ANXA1: variants seen among roughly 807,000 people sequenced by gnomAD.
The protein encoded by ANXA1 is annexin I (lipocortin I).
A neutral mutation model predicts 47.9 loss-of-function variants in ANXA1; 39 were observed. The ratio of observed to expected loss-of-function variants is 0.81; its 90% CI spans 0.63 to 1.06. The LOEUF (loss-of-function observed/expected upper bound fraction) is 1.06. ANXA1 is among the 50% of genes least tolerant of loss of function. ANXA1 has a pLI of 0.00. For synonymous variants in ANXA1, 146 were observed against 142.5 expected, an observed-to-expected ratio of 1.02 and a Z score of -0.17; for missense variants, 446 against 422.7, an observed-to-expected ratio of 1.06 and a Z score of -0.48.
chr9:73,159,360 A>C lies in ANXA1; in HGVS notation c.207A>C (p.Leu69=), dbSNP rs760952664. The change falls in exon 4 of 13, where the codon CTA becomes CTC. Residue 69 remains leucine (L), a synonymous_variant. Transcript: ENST00000257497. The part of the protein sequence containing the change: ...GVDEATIIDI[L]TKRNNAQRQQ... ...ATGAAGCAACCATCATTGACATTCT[A>C]ACTAAGCGAAACAATGCACAGCGTC... 1 of 1,613,254 alleles carries C rather than the reference A, an allele frequency of 6.2e-7. No homozygotes were observed. Among genetic ancestry groups the C allele is most frequent in the Admixed American group, 1.7e-5 (1 of 59,952 alleles).
chr9:73,166,214 A>T, intron 10 of ANXA1, 22 bp downstream of exon 10: 1 of 1,536,668 alleles, frequency 6.5e-7, no homozygotes, highest in Non-Finnish European at 8.9e-7. Context: ...AGCAGTTGAA[A>T]GAGTTTTCTA....
chr9:73,165,890 A>G (rs1265397421), intron 9 of ANXA1, among the ~76,000 whole-genome samples: 1 of 152,128 alleles, frequency 6.6e-6, no homozygotes, highest in Admixed American at 6.6e-5. Flanking sequence ...TCGCCAAAAT[A>G]TATAGGAATA....
intron 1 of ANXA1, chr9:73,154,245 T>A (rs1824012990): frequency 1.6e-6 from 2 of 1,254,366 alleles, no homozygotes; most frequent in Non-Finnish European, 1.1e-6. Context: ...GGAAAAACTA[T>A]GCACAAGGCC....
intron 1 of ANXA1, among the ~76,000 whole-genome samples, chr9:73,152,809 A>G (rs544918413): frequency 4.1e-4 from 63 of 152,368 alleles, no homozygotes; most frequent in Non-Finnish European, 7.5e-4. Context: ...GTGAGATTAC[A>G]AATCATGTAT....
At position 73,169,034 on chromosome 9, in the gene ANXA1, T is replaced by A. The variant is rs1436158896; in HGVS notation, c.864T>A (p.Gly288=). The A allele has an allele frequency of 6.2e-7, 1 of 1,609,308 alleles. No homozygotes were observed. ...FAEKLHQAMK[G]VGTRHKALIR... ...TTACCCTCATTTATTTTGGCCAGGG[T>A]GTTGGAACTCGCCATAAGGCATTGA... is the stretch of plus-strand genomic sequence containing the variant. Residue 288 remains glycine, a splice_region_variant and synonymous_variant, in exon 12 of 13, where the codon GGT becomes GGA. Coordinates refer to ENST00000257497, the MANE Select transcript of ANXA1 (RefSeq NM_000700.3).
chr9:73,155,900 C>T (rs2118135038), intron 1 of ANXA1, among the ~76,000 whole-genome samples: 1 of 151,210 alleles, frequency 6.6e-6, no homozygotes, highest in South Asian at 2.1e-4. Context: ...AATTAATATA[C>T]CTTTTCCTGG....
At chr9:73,153,884 A>G (rs1355681909) in intron 1 of ANXA1, among the ~76,000 whole-genome samples, 1 of 152,162 alleles carries the variant, frequency 6.6e-6, no homozygotes. Flanking sequence ...ATGGAAAGTG[A>G]TAATACAGAA....
chr9:73,164,118 A>AAAAC (rs1018249874), intron 8 of ANXA1, among the ~76,000 whole-genome samples: 5 of 152,148 alleles, frequency 3.3e-5, no homozygotes, highest in African/African-American at 7.2e-5. Flanking sequence ...ATTTCCATTT[A>AAAAC]AAACAAACAA....
intron 5 of ANXA1, among the ~76,000 whole-genome samples, chr9:73,160,599 G>A (rs1022807917): frequency 3.3e-5 from 5 of 152,048 alleles, no homozygotes; most frequent in African/African-American, 1.2e-4. Flanking sequence ...TCATATATTT[G>A]CATTTTTATT....
At chr9:73,154,597 C>T (rs965921934) in intron 1 of ANXA1, among the ~76,000 whole-genome samples, 13 of 152,130 alleles carry the variant, frequency 8.5e-5, no homozygotes, top group Admixed American at 3.9e-4. Context: ...CACCACCATG[C>T]CTGGCTGATT....
chr9:73,166,346 G>C (rs943798111), intron 10 of ANXA1, among the ~76,000 whole-genome samples, 154 bp downstream of exon 10: 2 of 152,112 alleles, frequency 1.3e-5, no homozygotes, highest in African/African-American at 4.8e-5. Context: ...CAACGTAAAA[G>C]ATTGGCAAAG....
chr9:73,160,511 C>A, intron 5 of ANXA1, 135 bp downstream of exon 5: 2 of 595,412 alleles, frequency 3.4e-6, no homozygotes, highest in East Asian at 3.0e-5. Context: ...TAAATTAATA[C>A]CTCAATGAAG....
intron 9 of ANXA1, among the ~76,000 whole-genome samples, chr9:73,165,749 A>G (rs1465089348): frequency 6.6e-6 from 1 of 152,046 alleles, no homozygotes; most frequent in Non-Finnish European, 1.5e-5. Flanking sequence ...TGTTAAATGT[A>G]AGAGAAATTT....
chr9:73,152,292 T>A (rs536948148), intron 1 of ANXA1, among the ~76,000 whole-genome samples: 22 of 152,240 alleles, frequency 1.4e-4, no homozygotes, highest in African/African-American at 4.8e-4. Flanking sequence ...GAGCTGTGTG[T>A]TTTACAGAGA....
At chr9:73,164,899 T>C (rs1824201170) in intron 8 of ANXA1, among the ~76,000 whole-genome samples, 1 of 152,120 alleles carries the variant, frequency 6.6e-6, no homozygotes, top group Non-Finnish European at 1.5e-5. Context: ...ATATTCAGAC[T>C]CTAGTGTTTA....
intron 6 of ANXA1, among the ~76,000 whole-genome samples, chr9:73,161,441 A>C (rs1234255679): frequency 3.3e-5 from 5 of 152,152 alleles, no homozygotes; most frequent in African/African-American, 1.2e-4. Flanking sequence ...ATAAAAGACT[A>C]GTCTTAGCTT....
intron 1 of ANXA1, among the ~76,000 whole-genome samples, chr9:73,155,387 G>T (rs1367645353): frequency 6.6e-6 from 1 of 152,088 alleles, no homozygotes; most frequent in Admixed American, 6.6e-5. Context: ...ATAGAAAAAA[G>T]AAAACCTTTC....
At position 73,158,733 on chromosome 9, in the gene ANXA1, G is replaced by T. The variant is rs35304764; in HGVS notation, c.105G>T (p.Ala35=). The T allele has an allele frequency of 8.4e-4, 1,351 of 1,613,784 alleles. 3 individuals carry two copies. Among genetic ancestry groups the T allele is most frequent in the South Asian group, 4.2e-3 (382 of 91,078 alleles). The change falls in exon 3 of 13, where the codon GCG becomes GCT. Residue 35 remains alanine, a synonymous_variant. Coordinates refer to ENST00000257497, the MANE Select transcript of ANXA1 (RefSeq NM_000700.3). Reference sequence around the variant, plus strand: ...CATCCAAAGGTGGTCCCGGATCAGCGGTGAGCCCCTATCCTACCTTCAATC... The same window carrying T: ...CATCCAAAGGTGGTCCCGGATCAGCTGTGAGCCCCTATCCTACCTTCAATC... ...VKSSKGGPGS[A]VSPYPTFNPS...
chr9:73,159,431 A>T lies in ANXA1; in HGVS notation c.270+8A>T. The T allele has an allele frequency of 1.2e-6, 2 of 1,608,070 alleles. No individual in the cohort carries two copies. Among genetic ancestry groups the T allele is most frequent in the Non-Finnish European group, 1.7e-6 (2 of 1,175,032 alleles). ...CTCCAGGAAACAGGAAAGGTAAGTT[A>T]GAGTGGTAAATTTAGATATTTAATT... On this transcript the variant is annotated splice_region_variant and intron_variant, in intron 4 of 12. Transcript: ENST00000257497.
Sources: allele counts gnomAD v4.1 joint callset (sites outside exome capture counted in the v4.1 genomes callset), GRCh38; gene constraint gnomAD v4.1.1; transcripts MANE v1.5; gene names NCBI Gene and HGNC (gene_info 2026-07-23, HGNC 2026-07-21).